NCK2: variants seen among roughly 807,000 people sequenced by gnomAD.
NCK2 encodes cytoplasmic protein NCK2.
NCK2 carries 16 observed loss-of-function variants against 33.9 expected under a neutral mutation model. The observed-to-expected ratio is 0.47, with a 90% CI of 0.32 to 0.72. The LOEUF is 0.72. Among genes scored for constraint, NCK2 ranks in the 30% least tolerant of loss-of-function variants. The probability of loss-of-function intolerance (pLI) is 0.03; values close to 1 mark genes in which losing one functional copy is unlikely to be tolerated. For missense variants in NCK2, 418 were observed against 537.3 expected, an observed-to-expected ratio of 0.78 and a Z score of 2.19; for synonymous variants, 273 against 239.9, an observed-to-expected ratio of 1.14 and a Z score of -1.27.
chr2:105,859,397 C>T (rs1385097904), intron 3 of NCK2, among the ~76,000 whole-genome samples: 1 of 152,160 alleles, frequency 6.6e-6, no homozygotes, highest in Non-Finnish European at 1.5e-5. Context: ...ACCCTACCTA[C>T]CTGGGACTTC....
chr2:105,812,828 T>TTC (rs1362641156), intron 1 of NCK2, among the ~76,000 whole-genome samples: 2 of 151,482 alleles, frequency 1.3e-5, no homozygotes, highest in Admixed American at 1.3e-4. Context: ...TTTTTTTTTT[T>TTC]TCCCTCCTGT....
chr2:105,787,228 C>T (rs1026719791), intron 1 of NCK2, among the ~76,000 whole-genome samples: 2 of 152,216 alleles, frequency 1.3e-5, no homozygotes, highest in African/African-American at 2.4e-5. Flanking sequence ...GTGGAAGGGG[C>T]AGGACCCAGT....
intron 1 of NCK2, among the ~76,000 whole-genome samples, chr2:105,769,016 C>T (rs950785150): frequency 2.0e-5 from 3 of 152,158 alleles, no homozygotes; most frequent in Non-Finnish European, 4.4e-5. Context: ...TTCCCACTCT[C>T]TAATCACACG....
intron 3 of NCK2, among the ~76,000 whole-genome samples, chr2:105,863,945 ACT>A (rs1677645266): frequency 6.6e-6 from 1 of 150,728 alleles, no homozygotes; most frequent in Admixed American, 6.6e-5. Context: ...TGTGAAGAAT[ACT>A]CTGAGCTGGG....
chr2:105,797,810 A>T (rs902115445), intron 1 of NCK2, among the ~76,000 whole-genome samples: 1 of 152,178 alleles, frequency 6.6e-6, no homozygotes, highest in Admixed American at 6.5e-5. Flanking sequence ...GCTTCTAGAA[A>T]ACCAGTTTGT....
chr2:105,796,222 C>A (rs1266283779), intron 1 of NCK2, among the ~76,000 whole-genome samples: 1 of 152,180 alleles, frequency 6.6e-6, no homozygotes, highest in Non-Finnish European at 1.5e-5. Context: ...GAAAGACAAT[C>A]ATTTGCAGGC....
intron 3 of NCK2, among the ~76,000 whole-genome samples, chr2:105,868,821 C>T (rs1345277302): frequency 6.6e-6 from 1 of 152,220 alleles, no homozygotes; most frequent in East Asian, 1.9e-4. Context: ...CCTGGCTCAG[C>T]GCTTTTCTAT....
chr2:105,765,986 C>T (rs926505273), intron 1 of NCK2, among the ~76,000 whole-genome samples: 10 of 140,510 alleles, frequency 7.1e-5, no homozygotes, highest in African/African-American at 1.7e-4. Context: ...CAGCAGGTGA[C>T]GCTTACACTG....
At chr2:105,871,041 C>T (rs1677977322) in intron 3 of NCK2, among the ~76,000 whole-genome samples, 1 of 152,046 alleles carries the variant, frequency 6.6e-6, no homozygotes, top group Admixed American at 6.6e-5. Context: ...TTCGCTCACA[C>T]CCCTGGCAGT....
chr2:105,776,890 C>A (rs1217295257), intron 1 of NCK2, among the ~76,000 whole-genome samples: 2 of 151,654 alleles, frequency 1.3e-5, no homozygotes, highest in African/African-American at 2.4e-5. Flanking sequence ...TTCTTCCTGA[C>A]CCCTTGGAGC....
At chr2:105,853,264 T>C (rs1371701028) in intron 2 of NCK2, among the ~76,000 whole-genome samples, 1 of 152,216 alleles carries the variant, frequency 6.6e-6, no homozygotes, top group East Asian at 1.9e-4. Context: ...ACCTAAGAAG[T>C]AGAGAGTTGC....
At chr2:105,790,421 G>C (rs900322429) in intron 1 of NCK2, among the ~76,000 whole-genome samples, 2 of 152,214 alleles carry the variant, frequency 1.3e-5, no homozygotes, top group African/African-American at 4.8e-5. Flanking sequence ...CTCTATGCCT[G>C]GGCAGCAGGA....
chr2:105,863,284 G>A (rs1285751087), intron 3 of NCK2, among the ~76,000 whole-genome samples: 1 of 152,120 alleles, frequency 6.6e-6, no homozygotes, highest in Non-Finnish European at 1.5e-5. Flanking sequence ...CAAGGGCAGA[G>A]CTGTTCATCT....
chr2:105,777,030 C>T (rs979581278), intron 1 of NCK2, among the ~76,000 whole-genome samples: 1 of 151,832 alleles, frequency 6.6e-6, no homozygotes, highest in East Asian at 1.9e-4. Context: ...ACTAAGAAAG[C>T]TGCCGCTGTC....
chr2:105,881,354 AGC>A lies in NCK2; in HGVS notation c.259_260del (p.Arg87GlyfsTer42). ...CCTCGGCAAGACGCGCAGGAAGACC[AGC>A]GCGCGGGATGCGTCCCCCACGCCCA... Reference protein sequence around the residue: ...LGLGKTRRKTSARDASPTPST... With the variant: ...LGLGKTRRKTXARDASPTPST... On this transcript the variant is annotated frameshift_variant, in exon 4 of 5. Coordinates refer to ENST00000233154, the MANE Select transcript of NCK2 (RefSeq NM_003581.5). LOFTEE classifies it high-confidence loss of function. 6.2e-7 allele frequency: 1 copy of A among 1,604,212 alleles called. No homozygotes were observed. The highest frequency in any genetic ancestry group is 8.5e-7 in the Non-Finnish European group (1 of 1,177,932).
intron 4 of NCK2, among the ~76,000 whole-genome samples, chr2:105,883,272 A>T (rs1678582398): frequency 6.6e-6 from 1 of 152,228 alleles, no homozygotes. Context: ...AGCTCTGTGC[A>T]CCACTTCTTT....
At chr2:105,840,908 C>G in intron 2 of NCK2, among the ~76,000 whole-genome samples, 1 of 151,262 alleles carries the variant, frequency 6.6e-6, no homozygotes, top group South Asian at 2.1e-4. Flanking sequence ...GGTAAAAGGC[C>G]GTGGGCATCT....
rs2104422390 is a variant in NCK2 at position 105,790,001 on chromosome 2, G to A, written c.-200-26429G>A. Among the ~76,000 whole-genome samples, 2 of 152,324 alleles carry A rather than the reference G, an allele frequency of 1.3e-5. 1 individual carries two copies. The highest frequency in any genetic ancestry group is 2.9e-5 in the Non-Finnish European group (2 of 68,030). On this transcript the variant is annotated intron_variant, in intron 1 of 4. Coordinates refer to ENST00000233154, the MANE Select transcript of NCK2 (RefSeq NM_003581.5). ...GGTAATCAGAGTCCAACACTAGCGT[G>A]TTCATGTATTGAGTGCAAGGGAGCA... is the stretch of plus-strand genomic sequence containing the variant.
intron 3 of NCK2, among the ~76,000 whole-genome samples, chr2:105,863,013 C>A (rs1677603822): frequency 6.6e-6 from 1 of 151,870 alleles, no homozygotes; most frequent in Admixed American, 6.5e-5. Flanking sequence ...GAGAATAATA[C>A]CAGATGTCAA....
Sources: gnomAD v4.1 joint callset for allele counts (sites outside exome capture counted in the v4.1 genomes callset) on GRCh38, gnomAD v4.1.1 for gene constraint, MANE v1.5 for transcripts, NCBI Gene and HGNC (gene_info 2026-07-23, HGNC 2026-07-21) for gene names.